The following GPHN variants were observed in gnomAD, a reference collection of about 807,000 sequenced individuals.
GPHN encodes gephyrin.
Under a neutral mutation model 95.5 loss-of-function variants are expected in GPHN, and 17 were observed. The observed-to-expected ratio is 0.18, with a 90% CI of 0.12 to 0.27. The LOEUF (loss-of-function observed/expected upper bound fraction) is 0.27. GPHN is among the 10% of genes least tolerant of loss of function. The pLI is 1.00. For synonymous variants in GPHN, 320 were observed against 322.5 expected (o/e 0.99, Z 0.08); for missense variants, 660 against 978.1 (o/e 0.67, Z 4.34).
chr14:67,375,990 T>C, the GPHN span, among the ~76,000 whole-genome samples: 1 of 152,232 alleles, frequency 6.6e-6, no homozygotes, highest in Non-Finnish European at 1.5e-5. Context: ...ACTTTTTGTC[T>C]ACACCCTGTT....
At chr14:67,546,636 C>T in the GPHN span, among the ~76,000 whole-genome samples, 4 of 152,180 alleles carry the variant, frequency 2.6e-5, no homozygotes, top group South Asian at 2.1e-4. Context: ...GTGATCCACC[C>T]GCCTCAGCCT....
intron 2 of GPHN, 69 bp downstream of exon 2, chr14:66,681,254 A>T: frequency 1.0e-6 from 1 of 989,446 alleles, no homozygotes; most frequent in Non-Finnish European, 1.6e-6. Context: ...TTCTCAAAAG[A>T]GTTTTATGTG....
chr14:67,397,434 A>G, the GPHN span, among the ~76,000 whole-genome samples: 5 of 152,214 alleles, frequency 3.3e-5, no homozygotes, highest in Admixed American at 3.3e-4. Flanking sequence ...TGAGACACTC[A>G]GGGGTAATTA....
chr14:67,679,082 G>T, the GPHN span, among the ~76,000 whole-genome samples: 1 of 152,204 alleles, frequency 6.6e-6, no homozygotes, highest in East Asian at 1.9e-4. Context: ...AGAAGTCCAA[G>T]ATCAAGGGGC....
the GPHN span, among the ~76,000 whole-genome samples, chr14:67,289,796 G>A: frequency 5.7e-5 from 6 of 105,408 alleles, no homozygotes; most frequent in Middle Eastern, 4.6e-3. Context: ...TTTTTGAGAC[G>A]GAGTCTCTCT....
chr14:66,963,209 C>T (rs943401940), intron 8 of GPHN, among the ~76,000 whole-genome samples: 5 of 151,898 alleles, frequency 3.3e-5, no homozygotes, highest in African/African-American at 1.2e-4. Context: ...CAAATAGCTC[C>T]AGATTAGTAG....
At chr14:67,390,877 A>G in the GPHN span, 1 of 748,356 alleles carries the variant, frequency 1.3e-6, no homozygotes, top group Non-Finnish European at 2.5e-6. Context: ...AAACCAGTCC[A>G]CAGGAAACCT....
the GPHN span, among the ~76,000 whole-genome samples, chr14:67,633,022 A>C: frequency 6.6e-6 from 1 of 151,554 alleles, no homozygotes; most frequent in African/African-American, 2.4e-5. Context: ...GTGTTTCACC[A>C]TGTTAGCCAG....
intron 1 of GPHN, among the ~76,000 whole-genome samples, chr14:66,649,335 TA>T (rs796575144): frequency 3.4e-4 from 49 of 143,402 alleles, no homozygotes; most frequent in East Asian, 2.6e-3. Context: ...CTCCATCTCT[TA>T]AAAAAAAAAA....
chr14:67,145,708 A>G lies in GPHN; in HGVS notation c.1836+2259A>G, dbSNP rs1035968435. On this transcript the variant is annotated intron_variant, in intron 18 of 22. Coordinates refer to ENST00000478722, the MANE Select transcript of GPHN (RefSeq NM_020806.5). ...ACCTCCATAGTAGAAAGAAAATAAT[A>G]AAAGACAGAACATTTGCTTCAGCCC... Among the ~76,000 whole-genome samples the G allele has an allele frequency of 5.3e-5, 8 of 152,224 alleles. No individual in the cohort carries two copies. The South Asian group carries it at 8.3e-4, about 16-fold the overall frequency.
chr14:67,178,457 T>G (rs908089740), intron 21 of GPHN, among the ~76,000 whole-genome samples: 7 of 152,182 alleles, frequency 4.6e-5, no homozygotes, highest in Non-Finnish European at 7.3e-5. Context: ...CTTCCCTTTG[T>G]GGGTAATCCG....
In GPHN at chr14:66,683,359, T is replaced by TGTTC. The variant is rs1228890853; in HGVS notation, c.143+2174_143+2175insGTTC. 1.6e-3 allele frequency among the ~76,000 whole-genome samples: 144 copies of TGTTC among 88,618 alleles called. 9 individuals carry two copies. Among genetic ancestry groups the TGTTC allele is most frequent in the Middle Eastern group, 0.012 (2 of 166 alleles). The allele number at this position is 88,618 out of a possible 152,430, so 58.1% of individuals were successfully genotyped here. On this transcript the variant is annotated intron_variant, in intron 2 of 22. Transcript: ENST00000478722. ...ATATATATATATATATATATATATA[T>TGTTC]ATATATATATATATATATATGTTCA...
At chr14:66,513,953 T>G (rs2058142098) in intron 1 of GPHN, among the ~76,000 whole-genome samples, 1 of 151,864 alleles carries the variant, frequency 6.6e-6, no homozygotes. Context: ...GTAATTAAAT[T>G]TACCATGCTT....
the GPHN span, chr14:67,301,895 A>G: frequency 2.8e-6 from 4 of 1,421,486 alleles, no homozygotes; most frequent in South Asian, 3.0e-5. Flanking sequence ...TCAGAATACT[A>G]TGTACATAGG....
intron 4 of GPHN, among the ~76,000 whole-genome samples, chr14:66,879,054 G>C (rs139745054): frequency 6.6e-6 from 1 of 152,192 alleles, no homozygotes; most frequent in Non-Finnish European, 1.5e-5. Flanking sequence ...TATGTCCTTT[G>C]CAGGGACATG....
the GPHN span, among the ~76,000 whole-genome samples, chr14:67,687,420 G>A: frequency 6.8e-6 from 1 of 147,110 alleles, no homozygotes; most frequent in Non-Finnish European, 1.5e-5. Flanking sequence ...CCGGACCTTT[G>A]TACATTCTCC....
At chr14:66,720,119 A>C (rs913909741) in intron 2 of GPHN, among the ~76,000 whole-genome samples, 2 of 152,224 alleles carry the variant, frequency 1.3e-5, no homozygotes, top group Non-Finnish European at 2.9e-5. Context: ...TAACCATTAA[A>C]TTTTATAATT....
At chr14:67,298,014 G>A in the GPHN span, among the ~76,000 whole-genome samples, 1 of 152,144 alleles carries the variant, frequency 6.6e-6, no homozygotes, top group African/African-American at 2.4e-5. Context: ...AGACAGCATG[G>A]TTTGTGCAGG....
At chr14:66,661,604 C>G (rs2065654495) in intron 1 of GPHN, among the ~76,000 whole-genome samples, 1 of 151,816 alleles carries the variant, frequency 6.6e-6, no homozygotes, top group Admixed American at 6.6e-5. Flanking sequence ...CAGAAGGGAT[C>G]CCCCAACACA....
Sources: gnomAD v4.1 joint callset for allele counts (sites outside exome capture counted in the v4.1 genomes callset) on GRCh38, gnomAD v4.1.1 for gene constraint, MANE v1.5 for transcripts, NCBI Gene and HGNC (gene_info 2026-07-23, HGNC 2026-07-21) for gene names.